Variants in DLGAP2 observed in about 807,000 individuals in gnomAD.
The protein encoded by DLGAP2 is disks large-associated protein 2.
Under a neutral mutation model 100.3 loss-of-function variants are expected in DLGAP2, and 26 were observed. The ratio of observed to expected loss-of-function variants is 0.26; its 90% CI spans 0.19 to 0.36. The LOEUF is 0.36. DLGAP2 is among the 10% of genes least tolerant of loss of function. DLGAP2 has a pLI of 1.00. For missense variants in DLGAP2, 1,858 were observed against 1,453.2 expected (o/e 1.28, Z -4.53); for synonymous variants, 886 against 630.1 (o/e 1.41, Z -6.08).
intron 1 of DLGAP2, among the ~76,000 whole-genome samples, chr8:851,396 T>C (rs545393093): frequency 7.2e-5 from 11 of 152,368 alleles, no homozygotes; most frequent in Admixed American, 6.5e-5. Flanking sequence ...TTGTGTTACC[T>C]GTGAGCGACA....
intron 2 of DLGAP2, among the ~76,000 whole-genome samples, chr8:1,061,402 C>G (rs539989979): frequency 6.6e-6 from 1 of 152,258 alleles, no homozygotes; most frequent in Admixed American, 6.5e-5. Flanking sequence ...CCCAGCTCAT[C>G]GGCTCATCCA....
At chr8:909,665 G>A (rs956823159) in intron 2 of DLGAP2, among the ~76,000 whole-genome samples, 2 of 152,182 alleles carry the variant, frequency 1.3e-5, no homozygotes, top group Admixed American at 1.3e-4. Flanking sequence ...AGTATAGAAT[G>A]TTTCACTGTC....
At chr8:1,212,478 A>G (rs1051952786) in intron 2 of DLGAP2, among the ~76,000 whole-genome samples, 3 of 152,206 alleles carry the variant, frequency 2.0e-5, no homozygotes, top group African/African-American at 4.8e-5. Context: ...TGAACCAGAC[A>G]TTTATGAGCC....
At chr8:773,466 T>C (rs1300254488) in intron 1 of DLGAP2, among the ~76,000 whole-genome samples, 8 of 151,982 alleles carry the variant, frequency 5.3e-5, no homozygotes, top group Admixed American at 2.6e-4. Context: ...CATCTAGCAT[T>C]AGGTATATCG....
At chr8:1,488,730 A>T (rs1410468383) in intron 3 of DLGAP2, among the ~76,000 whole-genome samples, 1 of 152,306 alleles carries the variant, frequency 6.6e-6, no homozygotes, top group East Asian at 1.9e-4. Context: ...CCTCCTCTGC[A>T]CGATGGGCAT....
At chr8:1,653,810 A>G (rs1165787239) in intron 8 of DLGAP2, among the ~76,000 whole-genome samples, 2 of 152,056 alleles carry the variant, frequency 1.3e-5, no homozygotes, top group African/African-American at 4.8e-5. Flanking sequence ...GGACCTTCCA[A>G]CCTTCTGATC....
At chr8:1,040,079 G>A (rs1440368938) in intron 2 of DLGAP2, among the ~76,000 whole-genome samples, 1 of 145,706 alleles carries the variant, frequency 6.9e-6, no homozygotes, top group East Asian at 2.1e-4. Context: ...GGTTTCCGTG[G>A]TCAGCTCGGT....
chr8:1,332,911 A>G (rs1351059982), intron 3 of DLGAP2, among the ~76,000 whole-genome samples: 1 of 152,158 alleles, frequency 6.6e-6, no homozygotes, highest in South Asian at 2.1e-4. Flanking sequence ...GAGTGGGACC[A>G]CTTGCTGATG....
At chr8:861,978 C>T (rs946478672) in intron 1 of DLGAP2, among the ~76,000 whole-genome samples, 4 of 152,240 alleles carry the variant, frequency 2.6e-5, no homozygotes, top group African/African-American at 9.6e-5. Context: ...TGCATAAATT[C>T]TCATCCCACC....
intron 3 of DLGAP2, among the ~76,000 whole-genome samples, chr8:1,384,264 C>G: frequency 6.6e-6 from 1 of 152,260 alleles, no homozygotes; most frequent in Non-Finnish European, 1.5e-5. Context: ...ATTGTGACTG[C>G]ACAGTCGCTG....
chr8:1,063,044 C>T (rs1454644151), intron 2 of DLGAP2, among the ~76,000 whole-genome samples: 1 of 152,170 alleles, frequency 6.6e-6, no homozygotes, highest in Non-Finnish European at 1.5e-5. Context: ...TTTTTCTATG[C>T]AAGCAATGGA....
At chr8:961,881 G>C (rs1296298027) in intron 2 of DLGAP2, among the ~76,000 whole-genome samples, 2 of 152,304 alleles carry the variant, frequency 1.3e-5, no homozygotes, top group East Asian at 1.9e-4. Flanking sequence ...GACTCGGGAA[G>C]TCTTCATAGA....
chr8:1,683,019 C>T (rs955899297), intron 12 of DLGAP2, among the ~76,000 whole-genome samples: 3 of 151,418 alleles, frequency 2.0e-5, no homozygotes, highest in African/African-American at 4.8e-5. Flanking sequence ...TTATTGATTA[C>T]TTACGACGAA....
At chr8:1,513,758 TA>T (rs1267403023) in intron 4 of DLGAP2, among the ~76,000 whole-genome samples, 1 of 152,110 alleles carries the variant, frequency 6.6e-6, no homozygotes, top group Non-Finnish European at 1.5e-5. Flanking sequence ...GTTACAAAAA[TA>T]ATACAGAGAA....
chr8:936,235 A>G (rs551292007), intron 2 of DLGAP2, among the ~76,000 whole-genome samples: 1 of 152,204 alleles, frequency 6.6e-6, no homozygotes, highest in Admixed American at 6.5e-5. Context: ...GGCCAGAGCA[A>G]GCAGCCTTGA....
intron 3 of DLGAP2, among the ~76,000 whole-genome samples, chr8:1,331,716 C>T (rs1401474232): frequency 6.6e-6 from 1 of 152,178 alleles, no homozygotes; most frequent in South Asian, 2.1e-4. Flanking sequence ...ATAGAAGGGT[C>T]CTTCCGACGT....
At chr8:1,342,972 G>C (rs1224445046) in intron 3 of DLGAP2, among the ~76,000 whole-genome samples, 1 of 152,200 alleles carries the variant, frequency 6.6e-6, no homozygotes, top group South Asian at 2.1e-4. Flanking sequence ...GCACATGGTC[G>C]TGCATGGGTG....
At chr8:1,012,590 G>C (rs1334765432) in intron 2 of DLGAP2, among the ~76,000 whole-genome samples, 1 of 117,692 alleles carries the variant, frequency 8.5e-6, no homozygotes, top group East Asian at 2.5e-4. Context: ...TTCAGCGGCA[G>C]TGTGGACACC....
At chr8:1,271,001 A>G (rs1305757233) in intron 3 of DLGAP2, among the ~76,000 whole-genome samples, 2 of 152,198 alleles carry the variant, frequency 1.3e-5, no homozygotes. Flanking sequence ...GTAATTTTTT[A>G]AATTTCAGAA....
Sources: allele counts gnomAD v4.1 joint callset (sites outside exome capture counted in the v4.1 genomes callset), GRCh38; gene constraint gnomAD v4.1.1; transcripts MANE v1.5; gene names NCBI Gene and HGNC (gene_info 2026-07-23, HGNC 2026-07-21).